Variants in LGR6 observed in about 807,000 individuals in gnomAD.
LGR6 encodes leucine-rich repeat-containing G protein-coupled receptor 6.
LGR6 carries 45 observed loss-of-function variants against 69.4 expected under a neutral mutation model. The observed-to-expected ratio is 0.65, with a 90% CI of 0.51 to 0.83. The LOEUF (loss-of-function observed/expected upper bound fraction) is 0.83, where lower values mean the gene tolerates loss of function less well. Ranked by LOEUF, LGR6 falls within the 40% of genes least tolerant of loss-of-function variation. The pLI, the probability that LGR6 is intolerant of heterozygous loss-of-function variation, is 0.00. For missense variants in LGR6, 1,108 were observed against 1,246.7 expected (o/e 0.89, Z 1.68); for synonymous variants, 538 against 555.0 (o/e 0.97, Z 0.43).
chr1:202,314,950 G>A (rs1295704114), intron 17 of LGR6, 68 bp downstream of exon 17: 2 of 1,156,942 alleles, frequency 1.7e-6, no homozygotes, highest in South Asian at 2.5e-5. Context: ...CCTAGTTGAG[G>A]TATTAGTTCA....
At chr1:202,229,925 A>T (rs1310896218) in intron 3 of LGR6, among the ~76,000 whole-genome samples, 1 of 152,126 alleles carries the variant, frequency 6.6e-6, no homozygotes, top group African/African-American at 2.4e-5. Context: ...CTAGGCACGA[A>T]TTACTTTCTG....
At chr1:202,273,130 G>A (rs549854252) in intron 4 of LGR6, among the ~76,000 whole-genome samples, 6 of 152,314 alleles carry the variant, frequency 3.9e-5, no homozygotes, top group South Asian at 2.1e-4. Flanking sequence ...TGTAAAATGG[G>A]GCTAATCAGA....
chr1:202,287,490 T>C (rs1666476489), intron 6 of LGR6, among the ~76,000 whole-genome samples: 1 of 152,176 alleles, frequency 6.6e-6, no homozygotes, highest in South Asian at 2.1e-4. Flanking sequence ...TGTTTGCTGA[T>C]TACTCCAGCC....
intron 1 of LGR6, chr1:202,214,169 A>G: frequency 6.6e-7 from 1 of 1,525,484 alleles, no homozygotes; most frequent in East Asian, 2.7e-5. Flanking sequence ...GCTTGGAGGG[A>G]GAGGGCCGCT....
Position 202,318,714 on chromosome 1 carries a change from C to A in LGR6, c.2411C>A (p.Thr804Lys), listed in dbSNP as rs140358092. 48 of 1,613,326 alleles carry A rather than the reference C, an allele frequency of 3.0e-5. 1 individual carries two copies. Among genetic ancestry groups the A allele is most frequent in the Admixed American group, 5.0e-5 (3 of 60,000 alleles). ...FASMLGLFPV[T>K]PEAVKSVLLV... ...TCCATGCTGGGCCTCTTCCCTGTCACGCCCGAGGCCGTCAAGTCTGTCCTG... is the reference window on the plus strand; with the variant it reads ...TCCATGCTGGGCCTCTTCCCTGTCAAGCCCGAGGCCGTCAAGTCTGTCCTG... The change falls in exon 18 of 18, where the codon ACG becomes AAG. Residue 804 changes from threonine (T) to lysine (K), a missense_variant. By Grantham distance (78) the Thr-to-Lys change is moderately conservative. Transcript: ENST00000367278.
rs765764264 is a variant in LGR6 at position 202,194,172 on chromosome 1, G to C, written c.183G>C (p.Pro61=). The C allele has an allele frequency of 8.3e-6, 13 of 1,565,042 alleles. No homozygotes were observed. The South Asian group carries it at 1.4e-4, about 17-fold the overall frequency. The change falls in exon 1 of 18, where the codon CCG becomes CCC. Residue 61 remains proline (P), a synonymous_variant. Transcript: ENST00000367278. ...CTGAGCTCGGGCTGTCCGCCGTTCCGGGGGACCTGGACCCCCTGACGGCTT... is the reference window on the plus strand; with the variant it reads ...CTGAGCTCGGGCTGTCCGCCGTTCCCGGGGACCTGGACCCCCTGACGGCTT... ...DCSELGLSAV[P]GDLDPLTAYL... is the part of the protein sequence containing the mutation.
intron 4 of LGR6, among the ~76,000 whole-genome samples, chr1:202,253,882 T>C (rs1435423274): frequency 1.5e-5 from 2 of 129,442 alleles, no homozygotes; most frequent in African/African-American, 5.9e-5. Flanking sequence ...CTCGGCTCAC[T>C]GCAAGCTCCG....
intron 1 of LGR6, among the ~76,000 whole-genome samples, chr1:202,214,520 C>T (rs1309845043): frequency 2.0e-5 from 3 of 151,998 alleles, no homozygotes; most frequent in African/African-American, 4.8e-5. Flanking sequence ...CGCCGCTTAG[C>T]TCCCGGGTAC....
At chr1:202,287,893 A>G (rs1666512699) in intron 6 of LGR6, among the ~76,000 whole-genome samples, 1 of 152,046 alleles carries the variant, frequency 6.6e-6, no homozygotes. Context: ...CATTCTTGTC[A>G]TCCTACAATC....
chr1:202,280,653 G>A (rs568768149), intron 5 of LGR6, 128 bp from the exon 6 acceptor site: 82 of 845,618 alleles, frequency 9.7e-5, no homozygotes, highest in Non-Finnish European at 1.2e-4. Flanking sequence ...GGAAACAAAC[G>A]GATGGACCAT....
intron 4 of LGR6, among the ~76,000 whole-genome samples, chr1:202,255,297 A>T (rs1234883465): frequency 6.6e-6 from 1 of 152,100 alleles, no homozygotes; most frequent in Non-Finnish European, 1.5e-5. Context: ...CAGTTAGGAG[A>T]TCACTTCAGG....
chr1:202,280,654 G>A, intron 5 of LGR6, 127 bp from the exon 6 acceptor site: 2 of 852,100 alleles, frequency 2.3e-6, no homozygotes, highest in South Asian at 2.7e-5. Flanking sequence ...GAAACAAACG[G>A]ATGGACCATT....
chr1:202,290,149 C>G (rs1357451130), intron 6 of LGR6, among the ~76,000 whole-genome samples: 2 of 152,204 alleles, frequency 1.3e-5, no homozygotes, highest in Non-Finnish European at 2.9e-5. Flanking sequence ...CTACTCTGTG[C>G]TAGTCTCTGG....
Position 202,306,863 on chromosome 1 carries a change from C to T in LGR6, c.1137-5C>T, listed in dbSNP as rs1290653908. On this transcript the variant is annotated splice_polypyrimidine_tract_variant and splice_region_variant and intron_variant, in intron 12 of 17. Coordinates refer to ENST00000367278, the MANE Select transcript of LGR6 (RefSeq NM_001017403.2). ...CGGCTCATCCAGCCTCTCTTGCTGC[C>T]CTAGCGGCCTCCAACACAACCGCAT... 4 of 1,613,968 alleles carry T rather than the reference C, an allele frequency of 2.5e-6. No individual in the cohort carries two copies. Among genetic ancestry groups the T allele is most frequent in the Non-Finnish European group, 3.4e-6 (4 of 1,179,912 alleles).
At chr1:202,221,567 G>A (rs1219825431) in intron 1 of LGR6, among the ~76,000 whole-genome samples, 1 of 152,070 alleles carries the variant, frequency 6.6e-6, no homozygotes, top group African/African-American at 2.4e-5. Context: ...GCCCTTCTGG[G>A]TATCCCAAGG....
At chr1:202,307,081 GCACA>G in intron 13 of LGR6, 142 bp downstream of exon 13, 1 of 762,618 alleles carries the variant, frequency 1.3e-6, no homozygotes, top group Non-Finnish European at 2.2e-6. Flanking sequence ...CCCACCCCCA[GCACA>G]CACACACACT....
chr1:202,289,573 G>A (rs190731489), intron 6 of LGR6, among the ~76,000 whole-genome samples: 1 of 152,310 alleles, frequency 6.6e-6, no homozygotes, highest in Admixed American at 6.5e-5. Context: ...TTGTATCTGT[G>A]TCTCTCAATG....
chr1:202,310,822 C>A (rs1159172948), intron 16 of LGR6, among the ~76,000 whole-genome samples: 1 of 152,072 alleles, frequency 6.6e-6, no homozygotes, highest in Non-Finnish European at 1.5e-5. Flanking sequence ...GTCCTAGAAC[C>A]AAAAGGAACA....
chr1:202,231,712 G>T (rs1406129008), intron 3 of LGR6, among the ~76,000 whole-genome samples: 2 of 152,210 alleles, frequency 1.3e-5, no homozygotes, highest in Non-Finnish European at 2.9e-5. Flanking sequence ...ACTCATACGT[G>T]TGATGTGCCA....
Sources: gnomAD v4.1 joint callset for allele counts (sites outside exome capture counted in the v4.1 genomes callset) on GRCh38, gnomAD v4.1.1 for gene constraint, MANE v1.5 for transcripts, NCBI Gene and HGNC (gene_info 2026-07-23, HGNC 2026-07-21) for gene names.